The following ARMCX4 variants were observed in gnomAD, a reference collection of about 807,000 sequenced individuals.
The protein encoded by ARMCX4 is armadillo repeat-containing X-linked protein 4.
In ARMCX4, 3 loss-of-function variants were observed where a neutral mutation model predicts 34.7. The observed-to-expected ratio is 0.09, with a 90% CI of 0.04 to 0.22. ARMCX4 has a LOEUF of 0.22. ARMCX4 is among the 10% of genes least tolerant of loss of function. The pLI, the probability that ARMCX4 is intolerant of heterozygous loss-of-function variation, is 1.00. For missense variants in ARMCX4, 1,448 were observed against 1,720.8 expected (o/e 0.84, Z 2.81); for synonymous variants, 513 against 632.8 (o/e 0.81, Z 2.84).
At chrX:101,520,623 C>T (rs999474034) in intron 11 of ARMCX4, among the ~76,000 whole-genome samples, 1 of 111,087 alleles carries the variant, frequency 9.0e-6, no homozygotes, top group African/African-American at 3.3e-5. Context: ...CCTTCTTGGT[C>T]GTGATGTATA....
Position 101,495,653 on chromosome X carries a change from G to T in ARMCX4, c.*191G>T. 2.7e-6 allele frequency: 1 copy of T among 368,377 alleles called. No individual in the cohort carries two copies. Among genetic ancestry groups the T allele is most frequent in the East Asian group, 4.4e-5 (1 of 22,640 alleles). 30.4% of individuals were successfully genotyped at this position (368,377 alleles called of 1,213,427 possible). On this transcript the variant is annotated 3_prime_UTR_variant, in exon 6 of 6. Coordinates refer to ENST00000423738, the MANE Select transcript of ARMCX4 (RefSeq NM_001256155.3). ...ACATGTGTTGATTTTTATCTTGTCT[G>T]GATTGAGATATTTTTAGTATGCTTC...
chrX:101,440,690 A>C (rs1286645141), intron 2 of ARMCX4, among the ~76,000 whole-genome samples: 1 of 111,284 alleles, frequency 9.0e-6, no homozygotes, highest in African/African-American at 3.3e-5. Flanking sequence ...CCCCTCCCCC[A>C]GCCTCACTGC....
chrX:101,440,875 C>T (rs1389016696), intron 2 of ARMCX4, among the ~76,000 whole-genome samples: 1 of 111,353 alleles, frequency 9.0e-6, no homozygotes, highest in Non-Finnish European at 1.9e-5. Context: ...CGTCTGTCAC[C>T]CCTTTCTTTG....
chrX:101,482,273 G>A (rs1933484404), upstream of ARMCX4, among the ~76,000 whole-genome samples: 1 of 111,982 alleles, frequency 8.9e-6, no homozygotes, highest in African/African-American at 3.2e-5. Flanking sequence ...AGACATGTAT[G>A]TGTATATCAT....
At position 101,467,668 on chromosome X, in the gene ARMCX4, G is replaced by C. The variant is rs370294195; in HGVS notation, c.-472-18355G>C. On this transcript the variant is annotated intron_variant and NMD_transcript_variant, in intron 4 of 15. Transcript: ENST00000433011. Reference sequence around the variant, plus strand: ...TTTTCTGAATCAATTATTTCATGGTGGGGGGGGGACGGTGTCATAAAATAA... The same window carrying C: ...TTTTCTGAATCAATTATTTCATGGTCGGGGGGGGACGGTGTCATAAAATAA... Among the ~76,000 whole-genome samples, 45 of 109,646 alleles carry C rather than the reference G, an allele frequency of 4.1e-4. No homozygotes were observed. In the East Asian group the frequency reaches 5.4e-3, roughly 13 times the overall value.
intron 2 of ARMCX4, among the ~76,000 whole-genome samples, chrX:101,428,832 G>A (rs782545904): frequency 7.6e-5 from 8 of 105,476 alleles, no homozygotes; most frequent in Admixed American, 1.0e-4. Context: ...AATTAGATAC[G>A]TATCTTTGGG....
chrX:101,495,102 G>A lies in ARMCX4; in HGVS notation c.6513G>A (p.Leu2171=). 6 of 1,154,759 alleles carry A rather than the reference G, an allele frequency of 5.2e-6. No homozygotes were observed. The highest frequency in any genetic ancestry group is 6.9e-6 in the Non-Finnish European group (6 of 871,871). The part of the protein sequence containing the change: ...VTNYISEFLR[L]LTVGSGETKD... ...ATTATATTTCAGAATTTCTTCGTTT[G>A]TTAACGGTGGGAAGTGGAGAAACTA... Residue 2171 remains leucine (L), a synonymous_variant, in exon 6 of 6, where the codon TTG becomes TTA. Coordinates refer to ENST00000423738, the MANE Select transcript of ARMCX4 (RefSeq NM_001256155.3).
At chrX:101,516,352 TA>T (rs1177575007) in intron 11 of ARMCX4, 4 of 111,806 alleles carry the variant, frequency 3.6e-5, no homozygotes, top group Non-Finnish European at 7.5e-5. Flanking sequence ...ACTAACATTA[TA>T]AAATTATAAG....
chrX:101,474,702 C>CA (rs1177291252), intron 4 of ARMCX4, among the ~76,000 whole-genome samples: 8 of 100,461 alleles, frequency 8.0e-5, no homozygotes, highest in African/African-American at 2.9e-4. Context: ...GAGCCAAAAA[C>CA]AAAAACCACA....
At chrX:101,427,653 T>C (rs113083426) in intron 2 of ARMCX4, among the ~76,000 whole-genome samples, 9,609 of 111,185 alleles carry the variant, frequency 0.086, 1,034 homozygotes, top group African/African-American at 0.3. Context: ...AGTGCTGGGA[T>C]TACAGGCATG....
At chrX:101,475,466 G>A (rs1489198935) in intron 4 of ARMCX4, among the ~76,000 whole-genome samples, 2 of 111,226 alleles carry the variant, frequency 1.8e-5, no homozygotes, top group African/African-American at 6.5e-5. Context: ...GCTGGCAGTG[G>A]GCGGCGGGGA....
Position 101,486,013 on chromosome X carries a change from T to C in ARMCX4, c.-436-10T>C, listed in dbSNP as rs913902363. ...CTAAGTGGTTTTACTCTCTCCTGTC[T>C]GTCGGACAGTAGTTCGGTGTAGCAC... is the stretch of plus-strand genomic sequence containing the variant. On this transcript the variant is annotated splice_polypyrimidine_tract_variant and intron_variant, in intron 1 of 5. Transcript: ENST00000423738. 9.0e-6 allele frequency: 1 copy of C among 111,674 alleles called. No homozygotes were observed. The highest frequency in any genetic ancestry group is 1.9e-5 in the Non-Finnish European group (1 of 53,196). 9.2% of individuals were successfully genotyped at this position (111,674 alleles called of 1,213,427 possible).
chrX:101,507,646 C>T (rs781875503), intron 8 of ARMCX4, among the ~76,000 whole-genome samples: 8 of 111,300 alleles, frequency 7.2e-5, no homozygotes, highest in Admixed American at 9.7e-5. Context: ...CTCATTTTGA[C>T]AAAGTAAATC....
At chrX:101,534,243 A>C (rs1556022911), downstream of ARMCX4, among the ~76,000 whole-genome samples, 2 of 111,686 alleles carry the variant, frequency 1.8e-5, no homozygotes, top group African/African-American at 6.5e-5. Context: ...AAATAAAGAC[A>C]AATAAGTAGA....
rs781925359 is a variant in ARMCX4, at chrX:101,445,228, A to G, written n.269-770A>G. On this transcript the variant is annotated intron_variant and non_coding_transcript_variant, in intron 3 of 3. Coordinates refer to the ARMCX4 transcript ENST00000430461. ...TATCTCCAACCCCAGCCAATGGTAT[A>G]TTTGCTATCCTGGATTTTCTGACAT... 1.2e-4 allele frequency among the ~76,000 whole-genome samples: 13 copies of G among 112,096 alleles called. No homozygotes were observed. The South Asian group carries it at 4.8e-3, about 42-fold the overall frequency.
At position 101,432,987 on chromosome X, in the gene ARMCX4, C is replaced by T. The variant is rs782398630; in HGVS notation, n.165-11065C>T. On this transcript the variant is annotated intron_variant and non_coding_transcript_variant, in intron 2 of 3. Transcript: ENST00000430461. ...ATGTGTATATGTGTATATATACACA[C>T]ATGTATACATATATGTGTATATATA... Among the ~76,000 whole-genome samples the T allele has an allele frequency of 7.7e-3, 306 of 39,571 alleles. 4 individuals are homozygous for T. Among genetic ancestry groups the T allele is most frequent in the African/African-American group, 0.018 (285 of 15,417 alleles). The allele number at this position is 39,571 out of a possible 115,157, so 34.4% of individuals were successfully genotyped here. A position where few individuals can be genotyped will look rare whatever the true frequency, so the allele number is the denominator to read the frequency against.
At chrX:101,481,868 A>C (rs1161959362), upstream of ARMCX4, among the ~76,000 whole-genome samples, 2 of 111,556 alleles carry the variant, frequency 1.8e-5, no homozygotes, top group African/African-American at 6.5e-5. Flanking sequence ...GCAGCTTTAA[A>C]TGTACTGGTA....
chrX:101,535,695 C>A (rs1364605309), downstream of ARMCX4, among the ~76,000 whole-genome samples: 4 of 110,951 alleles, frequency 3.6e-5, no homozygotes, highest in Non-Finnish European at 7.6e-5. Context: ...TTATTAAATG[C>A]CTACAAATTT....
chrX:101,530,014 A>G (rs919791431), intron 11 of ARMCX4, among the ~76,000 whole-genome samples: 23 of 112,043 alleles, frequency 2.1e-4, no homozygotes, highest in African/African-American at 7.4e-4. Flanking sequence ...AAATCATGCT[A>G]TTATAAAGAC....
Sources: allele counts gnomAD v4.1 joint callset (sites outside exome capture counted in the v4.1 genomes callset), GRCh38; gene constraint gnomAD v4.1.1; transcripts MANE v1.5; gene names NCBI Gene and HGNC (gene_info 2026-07-23, HGNC 2026-07-21).